OPA3: variants seen among roughly 807,000 people sequenced by gnomAD.
OPA3 encodes outer mitochondrial membrane lipid metabolism regulator OPA3.
Under a neutral mutation model 4.0 loss-of-function variants are expected in OPA3, and 6 were observed. The ratio of observed to expected loss-of-function variants is 1.51; its 90% CI spans 0.83 to 2.99. The LOEUF is 2.99. OPA3 is among the 30% of genes most tolerant of loss of function. OPA3 has a pLI of 0.00. For synonymous variants in OPA3, 105 were observed against 117.1 expected (o/e 0.90, Z 0.67); for missense variants, 235 against 256.2 (o/e 0.92, Z 0.56).
At chr19:45,560,738 G>T (rs907924287) in intron 1 of OPA3, among the ~76,000 whole-genome samples, 8 of 151,956 alleles carry the variant, frequency 5.3e-5, no homozygotes, top group African/African-American at 1.9e-4. Flanking sequence ...AGAACTTCAG[G>T]ACCCAAACTC....
intron 1 of OPA3, among the ~76,000 whole-genome samples, chr19:45,561,883 G>A (rs190706691): frequency 6.6e-6 from 1 of 152,030 alleles, no homozygotes; most frequent in Non-Finnish European, 1.5e-5. Context: ...AGAGGCTGCA[G>A]TGAGCCGAGA....
chr19:45,538,722 C>CA (rs3038837), intron 1 of OPA3, among the ~76,000 whole-genome samples: 2,390 of 105,822 alleles, frequency 0.023, 27 homozygotes, highest in Non-Finnish European at 0.033. Context: ...GACTCCGTCT[C>CA]AAAAAAAAAA....
exon 2 of OPA3, chr19:45,529,215 G>A (rs964590346): frequency 1.9e-6 from 3 of 1,612,242 alleles, no homozygotes; most frequent in African/African-American, 1.3e-5. Context: ...CCAGCCCCAA[G>A]TGGCCCACCT....
At chr19:45,575,002 C>T (rs945726638) in intron 1 of OPA3, among the ~76,000 whole-genome samples, 4 of 152,178 alleles carry the variant, frequency 2.6e-5, no homozygotes, top group Non-Finnish European at 4.4e-5. Context: ...TCCACCTGCA[C>T]CTGGATGAGA....
At chr19:45,561,500 C>T (rs1279334535) in intron 1 of OPA3, among the ~76,000 whole-genome samples, 2 of 152,134 alleles carry the variant, frequency 1.3e-5, no homozygotes, top group Non-Finnish European at 2.9e-5. Context: ...ACTGCTAGAG[C>T]CCACGATGGC....
At position 45,550,722 on chromosome 19, in the gene OPA3, G is replaced by A. The variant is rs1969319789; in HGVS notation, c.*2792C>T. On this transcript the variant is annotated 3_prime_UTR_variant, in exon 2 of 2. Transcript: ENST00000263275. ...TTCCCTCCTGATTTTAATAAGCTCT[G>A]TACCCATTGTGGAGATCCACATGGT... 1 of 985,810 alleles carries A rather than the reference G, an allele frequency of 1.0e-6. No homozygotes were observed. Among genetic ancestry groups the A allele is most frequent in the Admixed American group, 6.2e-5 (1 of 16,238 alleles). 61.1% of individuals were successfully genotyped at this position (985,810 alleles called of 1,614,324 possible). A position where few individuals can be genotyped will look rare whatever the true frequency, so the allele number is the denominator to read the frequency against.
chr19:45,554,768 T>C (rs1969395862), intron 1 of OPA3, among the ~76,000 whole-genome samples: 1 of 152,236 alleles, frequency 6.6e-6, no homozygotes. Flanking sequence ...TAATTATTCA[T>C]GAAAATGTAT....
In OPA3 at chr19:45,565,812, G is replaced by A. The variant is rs957715237; in HGVS notation, c.143-11901C>T. On this transcript the variant is annotated intron_variant, in intron 1 of 1. Transcript: ENST00000263275. ...AAAAAGATTTTTAAATTAGCTGTAC[G>A]TGGTGGTGCATGCCTGTGGCCCCAG... is the stretch of plus-strand genomic sequence containing the variant. Among the ~76,000 whole-genome samples the A allele has an allele frequency of 3.3e-5, 5 of 152,078 alleles. No individual in the cohort carries two copies. The East Asian group carries it at 5.9e-4, about 18-fold the overall frequency.
At chr19:45,573,610 G>C (rs1969720983) in intron 1 of OPA3, among the ~76,000 whole-genome samples, 1 of 152,038 alleles carries the variant, frequency 6.6e-6, no homozygotes. Context: ...ACTCTCCCTG[G>C]GGTCACACAG....
rs977316782 is a variant in OPA3 at position 45,550,813 on chromosome 19, G to T, written c.*2701C>A. On this transcript the variant is annotated 3_prime_UTR_variant, in exon 2 of 2. Transcript: ENST00000263275. ...CTCCTCTAATGAGAGAGCTACAGTC[G>T]GAAGGACAGACTGCAGGCTACTGGG... 1 of 985,920 alleles carries T rather than the reference G, an allele frequency of 1.0e-6. No homozygotes were observed. Among genetic ancestry groups the T allele is most frequent in the Non-Finnish European group, 1.2e-6 (1 of 830,132 alleles). 61.1% of individuals were successfully genotyped at this position (985,920 alleles called of 1,614,324 possible).
intron 1 of OPA3, among the ~76,000 whole-genome samples, chr19:45,538,649 G>T (rs1275483319): frequency 6.6e-6 from 1 of 151,838 alleles, no homozygotes; most frequent in Non-Finnish European, 1.5e-5. Flanking sequence ...CTTGAACCTG[G>T]GAGGCGGAGG....
rs948143164 is a variant in OPA3 at position 45,572,317 on chromosome 19, TGA to T, written c.142+12304_142+12305del. 2.0e-3 allele frequency among the ~76,000 whole-genome samples: 268 copies of T among 133,062 alleles called. 8 individuals are homozygous for T. The highest frequency in any genetic ancestry group is 6.9e-3 in the African/African-American group (257 of 37,122). 87.3% of individuals were successfully genotyped at this position (133,062 alleles called of 152,430 possible). ...TATATCTCATATATATCGACATATA[TGA>T]GATATATATCGATATATATCTCATA... On this transcript the variant is annotated intron_variant, in intron 1 of 1. Coordinates refer to ENST00000263275, the MANE Select transcript of OPA3 (RefSeq NM_025136.4).
At position 45,550,618 on chromosome 19, in the gene OPA3, C is replaced by T. The variant is rs190488484; in HGVS notation, c.*2896G>A. 1.1e-5 allele frequency: 11 copies of T among 985,842 alleles called. No homozygotes were observed. The highest frequency in any genetic ancestry group is 1.3e-5 in the Non-Finnish European group (11 of 830,338). The allele number at this position is 985,842 out of a possible 1,614,324, so 61.1% of individuals were successfully genotyped here. On this transcript the variant is annotated 3_prime_UTR_variant, in exon 2 of 2. Transcript: ENST00000263275. Reference sequence around the variant, plus strand: ...ACTGGCTGTGGCATCTCTGGCAAGTCCCTTTGCTTACCCCTGGCCTTAGTT... The same window carrying T: ...ACTGGCTGTGGCATCTCTGGCAAGTTCCTTTGCTTACCCCTGGCCTTAGTT...
In OPA3 at chr19:45,529,121, G is replaced by A. The variant is rs1212392404; in HGVS notation, c.478C>T (p.Arg160Ter). Residue 160 changes from arginine to a stop codon, truncating the protein, a stop_gained, in exon 2 of 2, where the codon CGA becomes TGA. Coordinates refer to the OPA3 transcript ENST00000323060. LOFTEE classifies it low-confidence loss of function (END_TRUNC). ...GGGTCTCGGAGGCAGAGGTGGGCTC[G>A]CACCTCCTGCAGCTGAGCGCGCAGC... The A allele has an allele frequency of 1.2e-6, 2 of 1,606,398 alleles. No individual in the cohort carries two copies. The highest frequency in any genetic ancestry group is 1.7e-6 in the Non-Finnish European group (2 of 1,176,416).
chr19:45,544,143 AT>A (rs1490077453), downstream of OPA3, among the ~76,000 whole-genome samples: 1 of 152,212 alleles, frequency 6.6e-6, no homozygotes, highest in Non-Finnish European at 1.5e-5. Context: ...AGAGCTAGGG[AT>A]TGATTCCAGG....
chr19:45,576,960 C>A (rs1367185951), intron 1 of OPA3, among the ~76,000 whole-genome samples: 1 of 152,140 alleles, frequency 6.6e-6, no homozygotes, highest in Non-Finnish European at 1.5e-5. Flanking sequence ...GTGTGATAAA[C>A]CAGAAAAAGG....
rs1048389961 is a variant in OPA3 at position 45,547,251 on chromosome 19, C to T, written c.*6263G>A. 3.9e-5 allele frequency: 6 copies of T among 152,316 alleles called. No homozygotes were observed. The highest frequency in any genetic ancestry group is 1.9e-4 in the East Asian group (1 of 5,180). 9.4% of individuals were successfully genotyped at this position (152,316 alleles called of 1,614,324 possible). A position where few individuals can be genotyped will look rare whatever the true frequency, so the allele number is the denominator to read the frequency against. ...GGCCCCCTCACCTAACTTCTCCCCT[C>T]GCTTACTCTATTCCAGGGGATGGTA... On this transcript the variant is annotated 3_prime_UTR_variant, in exon 2 of 2. Coordinates refer to ENST00000263275, the MANE Select transcript of OPA3 (RefSeq NM_025136.4).
Position 45,584,660 on chromosome 19 carries a change from C to A in OPA3, c.105G>T (p.Glu35Asp). 2 of 1,614,216 alleles carry A rather than the reference C, an allele frequency of 1.2e-6. No individual in the cohort carries two copies. The highest frequency in any genetic ancestry group is 1.7e-6 in the Non-Finnish European group (2 of 1,180,036). Residue 35 changes from glutamate to aspartate, a missense_variant, in exon 1 of 2, where the codon GAG becomes GAT. Coordinates refer to ENST00000263275, the MANE Select transcript of OPA3 (RefSeq NM_025136.4). ...NRIKEAARRSEFFKTYICLPP... is the reference protein window; with the variant it reads ...NRIKEAARRSDFFKTYICLPP... ...GGAGGCAGATATAGGTCTTGAAGAA[C>A]TCGCTTCGGCGGGCGGCCTCCTTAA...
At chr19:45,544,795 A>AAAACAAATAAATAAAT (rs1555731666), downstream of OPA3, among the ~76,000 whole-genome samples, 10 of 140,652 alleles carry the variant, frequency 7.1e-5, no homozygotes, top group Non-Finnish European at 1.4e-4. Context: ...ACTCCGTCTC[A>AAAACAAATAAATAAAT]AAATAAATAA....
Sources: allele counts gnomAD v4.1 joint callset (sites outside exome capture counted in the v4.1 genomes callset), GRCh38; gene constraint gnomAD v4.1.1; transcripts MANE v1.5; gene names NCBI Gene and HGNC (gene_info 2026-07-23, HGNC 2026-07-21).